Variants in CNTNAP4 observed in about 807,000 individuals in gnomAD.
The protein encoded by CNTNAP4 is contactin-associated protein-like 4.
CNTNAP4 carries 98 observed loss-of-function variants against 148.4 expected under a neutral mutation model. The observed-to-expected ratio is 0.66, with a 90% CI of 0.56 to 0.78. The LOEUF is 0.78. Ranked by LOEUF, CNTNAP4 falls within the 30% of genes least tolerant of loss-of-function variation. CNTNAP4 has a pLI of 0.00. For synonymous variants in CNTNAP4, 730 were observed against 565.1 expected (o/e 1.29, Z -4.14); for missense variants, 1,935 against 1,565.6 (o/e 1.24, Z -3.98).
Position 76,452,726 on chromosome 16 carries a change from G to T in CNTNAP4, c.1290G>T (p.Ser430=), listed in dbSNP as rs8055272. Residue 430 remains serine, a synonymous_variant, in exon 8 of 24, where the codon TCG becomes TCT. Transcript: ENST00000611870. ...TTCTGAGTGATGGAAAACTTAAGTC[G>T]AATCTCTACCAGCCAGGAAAATTAC... is the stretch of plus-strand genomic sequence containing the variant. The part of the protein sequence containing the change: ...LLFLSDGKLK[S]NLYQPGKLPS... 1.9e-6 allele frequency: 3 copies of T among 1,608,530 alleles called. No individual in the cohort carries two copies. The highest frequency in any genetic ancestry group is 1.7e-5 in the Admixed American group (1 of 59,364).
At chr16:76,513,452 T>A (rs2083109816) in intron 15 of CNTNAP4, among the ~76,000 whole-genome samples, 1 of 152,148 alleles carries the variant, frequency 6.6e-6, no homozygotes, top group Non-Finnish European at 1.5e-5. Flanking sequence ...GTAGTGTTCT[T>A]TAAAACCCGA....
At chr16:76,363,430 G>C (rs540322782) in intron 3 of CNTNAP4, among the ~76,000 whole-genome samples, 2 of 152,064 alleles carry the variant, frequency 1.3e-5, no homozygotes, top group African/African-American at 2.4e-5. Flanking sequence ...CCAAAGTGCT[G>C]AGATTACAGG....
intron 3 of CNTNAP4, among the ~76,000 whole-genome samples, chr16:76,412,680 T>C (rs1217806883): frequency 6.6e-6 from 1 of 151,234 alleles, no homozygotes; most frequent in African/African-American, 2.4e-5. Context: ...CTTTTTTCTC[T>C]TTTTTTCTCT....
chr16:76,503,981 G>T (rs1414510409), intron 15 of CNTNAP4, among the ~76,000 whole-genome samples: 1 of 151,736 alleles, frequency 6.6e-6, no homozygotes, highest in Non-Finnish European at 1.5e-5. Context: ...AAAAATTTAT[G>T]AATTAAAAGA....
At chr16:76,461,852 T>G in intron 8 of CNTNAP4, 104 bp from the exon 9 acceptor site, 1 of 897,318 alleles carries the variant, frequency 1.1e-6, no homozygotes. Flanking sequence ...AATAATAGAG[T>G]TAAGTACTGT....
intron 4 of CNTNAP4, among the ~76,000 whole-genome samples, chr16:76,434,670 A>G (rs922928808): frequency 1.3e-5 from 2 of 152,020 alleles, no homozygotes; most frequent in African/African-American, 4.8e-5. Context: ...ATTGTTTTTC[A>G]TTTACTATTT....
chr16:76,519,946 A>C (rs62048237), intron 15 of CNTNAP4, among the ~76,000 whole-genome samples: 9,370 of 152,272 alleles, frequency 0.062, 387 homozygotes, highest in South Asian at 0.11. Context: ...AAGCAAAGTC[A>C]AGTTTGTGAT....
At chr16:76,474,461 A>C (rs911039028) in intron 10 of CNTNAP4, among the ~76,000 whole-genome samples, 4 of 152,206 alleles carry the variant, frequency 2.6e-5, no homozygotes, top group African/African-American at 9.6e-5. Context: ...TAGTCCTTAT[A>C]ATAAGGAAAA....
intron 3 of CNTNAP4, among the ~76,000 whole-genome samples, chr16:76,368,163 T>A (rs1203171922): frequency 6.6e-6 from 1 of 152,208 alleles, no homozygotes; most frequent in Non-Finnish European, 1.5e-5. Context: ...TAGATTCTCC[T>A]GCACATTCTT....
At chr16:76,346,091 G>A (rs17698959) in intron 2 of CNTNAP4, among the ~76,000 whole-genome samples, 28,425 of 152,052 alleles carry the variant, frequency 0.19, 3,474 homozygotes, top group East Asian at 0.48. Flanking sequence ...AATAAAGCAT[G>A]TAATTCTATA....
At chr16:76,435,410 G>A (rs904290545) in intron 4 of CNTNAP4, among the ~76,000 whole-genome samples, 16 of 152,042 alleles carry the variant, frequency 1.1e-4, no homozygotes, top group African/African-American at 2.9e-4. Context: ...CAGTAGCTAC[G>A]CCTGCCTTGC....
chr16:76,315,201 G>A (rs753844830), intron 1 of CNTNAP4, among the ~76,000 whole-genome samples: 5 of 150,676 alleles, frequency 3.3e-5, no homozygotes, highest in Admixed American at 2.7e-4. Flanking sequence ...TATGAGCAAC[G>A]TTGCTAGAAA....
intron 15 of CNTNAP4, among the ~76,000 whole-genome samples, chr16:76,504,610 T>G (rs542426391): frequency 6.6e-6 from 1 of 152,156 alleles, no homozygotes; most frequent in South Asian, 2.1e-4. Context: ...ATAAAAATAA[T>G]AATAAATTGG....
Position 76,475,928 on chromosome 16 carries a change from C to G in CNTNAP4, c.1656-11C>G. ...ATGGAAACTGGTGATTGTATCTGCA[C>G]CTTCTTTTAGGTGTTTGCCCAACTA... is the stretch of plus-strand genomic sequence containing the variant. On this transcript the variant is annotated splice_polypyrimidine_tract_variant and intron_variant, in intron 10 of 23. Transcript: ENST00000611870. 1 of 1,601,500 alleles carries G rather than the reference C, an allele frequency of 6.2e-7. No individual in the cohort carries two copies. The highest frequency in any genetic ancestry group is 8.6e-7 in the Non-Finnish European group (1 of 1,168,818).
chr16:76,311,859 A>G (rs993759530), intron 1 of CNTNAP4, among the ~76,000 whole-genome samples: 6 of 152,334 alleles, frequency 3.9e-5, no homozygotes, highest in African/African-American at 1.4e-4. Context: ...GCTCAGCAGT[A>G]AAGGGACCAG....
In CNTNAP4 at chr16:76,316,479, C is replaced by A; in HGVS notation, c.152C>A (p.Ser51Tyr). The A allele has an allele frequency of 6.2e-7, 1 of 1,613,840 alleles. No homozygotes were observed. The highest frequency in any genetic ancestry group is 8.5e-7 in the Non-Finnish European group (1 of 1,179,808). ...TCCTTCAGCAGTTCTTCCGAGCTCT[C>A]CAGCAGTCATGGTCCTGGATTTGCA... The part of the protein sequence containing the change: ...QASFSSSSEL[S>Y]SSHGPGFARL... The change falls in exon 2 of 24, where the codon TCC becomes TAC. Residue 51 changes from serine (S) to tyrosine (Y), a missense_variant. Transcript: ENST00000611870.
intron 21 of CNTNAP4, among the ~76,000 whole-genome samples, chr16:76,543,579 AAG>A (rs1165721860): frequency 2.0e-5 from 3 of 152,220 alleles, no homozygotes; most frequent in African/African-American, 4.8e-5. Context: ...GGGATGGAGA[AAG>A]AGAGGGAAAA....
chr16:76,280,392 A>G (rs1958641691), intron 1 of CNTNAP4, among the ~76,000 whole-genome samples: 1 of 152,160 alleles, frequency 6.6e-6, no homozygotes. Context: ...ATATGTGCTC[A>G]TTTGTATATA....
At chr16:76,529,843 C>CTCTGTGTG (rs1555595408) in intron 17 of CNTNAP4, among the ~76,000 whole-genome samples, 4 of 148,352 alleles carry the variant, frequency 2.7e-5, no homozygotes, top group African/African-American at 9.9e-5. Flanking sequence ...TGAATCTCAG[C>CTCTGTGTG]TGTGTGTGTG....
Sources: allele counts gnomAD v4.1 joint callset (sites outside exome capture counted in the v4.1 genomes callset), GRCh38; gene constraint gnomAD v4.1.1; transcripts MANE v1.5; gene names NCBI Gene and HGNC (gene_info 2026-07-23, HGNC 2026-07-21).